The following DOCK10 variants were observed in gnomAD, a reference collection of about 807,000 sequenced individuals.
The protein encoded by DOCK10 is dedicator of cytokinesis protein 10.
Under a neutral mutation model 280.1 loss-of-function variants are expected in DOCK10, and 145 were observed. The observed-to-expected ratio is 0.52, with a 90% CI of 0.45 to 0.59. DOCK10 has a LOEUF of 0.59. DOCK10 is among the 20% of genes least tolerant of loss of function. DOCK10 has a pLI of 0.00. For synonymous variants in DOCK10, 915 were observed against 942.2 expected, an observed-to-expected ratio of 0.97 and a Z score of 0.53; for missense variants, 2,368 against 2,651.7, an observed-to-expected ratio of 0.89 and a Z score of 2.35.
intron 1 of DOCK10, among the ~76,000 whole-genome samples, chr2:225,013,831 C>T (rs1256902103): frequency 2.0e-5 from 3 of 152,030 alleles, no homozygotes; most frequent in Non-Finnish European, 2.9e-5. Context: ...AGAATTGACA[C>T]AGAAAATCCA....
intron 1 of DOCK10, among the ~76,000 whole-genome samples, chr2:224,984,784 G>C (rs1461022130): frequency 6.6e-6 from 1 of 151,782 alleles, no homozygotes; most frequent in East Asian, 1.9e-4. Flanking sequence ...GTTGGGTTGT[G>C]GGAGACACAG....
rs1423281344 is a variant in DOCK10 at position 224,893,630 on chromosome 2, C to T, written c.416+2665G>A. On this transcript the variant is annotated intron_variant, in intron 4 of 55. Transcript: ENST00000258390. ...TCTAGCCTGAAGTCATCTATTTCTT[C>T]AGTATCTTCCTATGGACCCTCGCTT... The T allele has an allele frequency of 6.6e-6, 3 of 455,818 alleles. No individual in the cohort carries two copies. In the East Asian group the frequency reaches 2.1e-4, roughly 33 times the overall value. The allele number at this position is 455,818 out of a possible 1,614,324, so 28.2% of individuals were successfully genotyped here.
intron 1 of DOCK10, chr2:224,946,779 C>T (rs1703444411): frequency 7.2e-6 from 9 of 1,249,410 alleles, no homozygotes; most frequent in Non-Finnish European, 8.8e-6. Flanking sequence ...CACTGTAGAG[C>T]TAATCATTTT....
At chr2:224,953,152 C>T (rs1703858770) in intron 1 of DOCK10, among the ~76,000 whole-genome samples, 1 of 152,182 alleles carries the variant, frequency 6.6e-6, no homozygotes, top group African/African-American at 2.4e-5. Context: ...ATTGGTAAGG[C>T]ACCTCCTATT....
chr2:225,001,956 T>C (rs1706442838), intron 1 of DOCK10, among the ~76,000 whole-genome samples: 1 of 152,164 alleles, frequency 6.6e-6, no homozygotes, highest in Non-Finnish European at 1.5e-5. Flanking sequence ...TCTAAGGAGT[T>C]AGGATTTCAA....
chr2:224,805,549 C>T lies in DOCK10; in HGVS notation c.3815-20G>A, dbSNP rs200421745. On this transcript the variant is annotated intron_variant, in intron 34 of 55. Coordinates refer to ENST00000258390, the MANE Select transcript of DOCK10 (RefSeq NM_014689.3). The surrounding 1 kb of genome is among the most constrained non-coding windows in gnomAD (Gnocchi z 4.3). Reference sequence around the variant, plus strand: ...AAAATGCTGTAAACACAAGCCACAGCACACGTATGGGAATGAGATGTATGG... The same window carrying T: ...AAAATGCTGTAAACACAAGCCACAGTACACGTATGGGAATGAGATGTATGG... The T allele has an allele frequency of 6.7e-4, 1,073 of 1,611,244 alleles. No homozygotes were observed. Among genetic ancestry groups the T allele is most frequent in the Non-Finnish European group, 8.7e-4 (1,024 of 1,178,380 alleles).
At chr2:224,777,302 T>C (rs1690945948) in intron 51 of DOCK10, among the ~76,000 whole-genome samples, 1 of 152,142 alleles carries the variant, frequency 6.6e-6, no homozygotes, top group East Asian at 1.9e-4. Flanking sequence ...TGTTCCTGGG[T>C]GTGTCCGTGA....
chr2:224,923,547 A>G (rs747834836), intron 2 of DOCK10, among the ~76,000 whole-genome samples: 1 of 152,180 alleles, frequency 6.6e-6, no homozygotes, highest in Non-Finnish European at 1.5e-5. Flanking sequence ...TGAGTTTACC[A>G]TCCAAGAAAG....
chr2:224,977,821 A>G (rs1445423030), intron 1 of DOCK10, among the ~76,000 whole-genome samples: 1 of 152,186 alleles, frequency 6.6e-6, no homozygotes, highest in Non-Finnish European at 1.5e-5. Flanking sequence ...CTAGACTACA[A>G]TTATGCCAGC....
At chr2:224,847,809 G>C (rs1288317236) in intron 19 of DOCK10, among the ~76,000 whole-genome samples, 2 of 152,174 alleles carry the variant, frequency 1.3e-5, no homozygotes, top group Admixed American at 1.3e-4. Context: ...GTTTTTAAAT[G>C]ATTAATGTGC....
intron 1 of DOCK10, among the ~76,000 whole-genome samples, chr2:224,996,035 C>T (rs541056004): frequency 6.6e-6 from 1 of 152,104 alleles, no homozygotes; most frequent in East Asian, 1.9e-4. Flanking sequence ...GTAAGTTATC[C>T]AAAATAAATG....
At position 224,874,648 on chromosome 2, in the gene DOCK10, CA is replaced by C; in HGVS notation, c.1017+17del. 6.2e-7 allele frequency: 1 copy of C among 1,610,320 alleles called. No homozygotes were observed. The stretch of plus-strand genomic sequence containing the variant: ...ATAATTCAAATTGGTTTTGCAAGTA[CA>C]ATGCCAACTTTATTACCTTTGCAAA... On this transcript the variant is annotated intron_variant, in intron 9 of 55. Coordinates refer to ENST00000258390, the MANE Select transcript of DOCK10 (RefSeq NM_014689.3).
intron 55 of DOCK10, among the ~76,000 whole-genome samples, chr2:224,767,051 A>T (rs937954033): frequency 8.5e-5 from 13 of 152,262 alleles, no homozygotes; most frequent in African/African-American, 3.1e-4. Flanking sequence ...TAGCTGAAAC[A>T]GCAGAAGGAC....
chr2:224,795,811 T>A (rs952391910), intron 44 of DOCK10, among the ~76,000 whole-genome samples: 1 of 152,154 alleles, frequency 6.6e-6, no homozygotes, highest in African/African-American at 2.4e-5. Flanking sequence ...CTTCAGAAAG[T>A]GCTAAACAAA....
In DOCK10 at chr2:224,852,972, T is replaced by C. The variant is rs573627765; in HGVS notation, c.2039A>G (p.Lys680Arg). 1 of 1,609,472 alleles carries C rather than the reference T, an allele frequency of 6.2e-7. No homozygotes were observed. Reference sequence around the variant, plus strand: ...TTTCTGGCTATCATACTTGAGGTGTTTGGGGTAAATATAAATTTGATTTTT... The same window carrying C: ...TTTCTGGCTATCATACTTGAGGTGTCTGGGGTAAATATAAATTTGATTTTT... ...VYKNQIYIYP[K>R]HLKYDSQKCF... The change falls in exon 17 of 56, where the codon AAA (lysine) becomes AGA (arginine). Residue 680 changes from lysine (K) to arginine (R), a missense_variant. Transcript: ENST00000258390.
intron 1 of DOCK10, among the ~76,000 whole-genome samples, chr2:224,964,283 T>C (rs1704609026): frequency 6.6e-6 from 1 of 152,234 alleles, no homozygotes; most frequent in Non-Finnish European, 1.5e-5. Context: ...TAATGTGTTG[T>C]TCATTTTCTA....
chr2:224,793,223 A>C (rs965676417), intron 46 of DOCK10, among the ~76,000 whole-genome samples, 151 bp from the exon 47 acceptor site: 2 of 152,202 alleles, frequency 1.3e-5, no homozygotes, highest in African/African-American at 4.8e-5. Flanking sequence ...AGAATAAATA[A>C]GTCAATGGCA....
chr2:224,806,010 T>C (rs964445258), intron 34 of DOCK10, 116 bp downstream of exon 34: 20 of 614,622 alleles, frequency 3.3e-5, no homozygotes, highest in Non-Finnish European at 5.3e-5. Context: ...AAATGTAGTA[T>C]ACTTTGCCAC....
At chr2:224,911,314 T>C (rs529394142) in intron 3 of DOCK10, among the ~76,000 whole-genome samples, 1 of 152,294 alleles carries the variant, frequency 6.6e-6, no homozygotes, top group Admixed American at 6.5e-5. Flanking sequence ...GAAGGTGACA[T>C]TCTCAGAGAA....
Sources: allele counts gnomAD v4.1 joint callset (sites outside exome capture counted in the v4.1 genomes callset), GRCh38; gene constraint gnomAD v4.1.1; non-coding constraint Gnocchi (gnomAD v3.1); transcripts MANE v1.5; gene names NCBI Gene and HGNC (gene_info 2026-07-23, HGNC 2026-07-21).